MAGI2: variants seen among roughly 807,000 people sequenced by gnomAD.
MAGI2 encodes membrane associated guanylate kinase, WW and PDZ domain containing 2.
A neutral mutation model predicts 133.3 loss-of-function variants in MAGI2; 35 were observed. That is an observed-to-expected ratio of 0.26 (90% confidence interval 0.20 to 0.35). The LOEUF is 0.35. Among genes scored for constraint, MAGI2 ranks in the 10% least tolerant of loss-of-function variants. The pLI, the probability that MAGI2 is intolerant of heterozygous loss-of-function variation, is 1.00. For missense variants in MAGI2, 1,636 were observed against 1,863.4 expected (o/e 0.88, Z 2.25); for synonymous variants, 729 against 710.6 (o/e 1.03, Z -0.41).
At chr7:79,167,182 G>A (rs1339279507) in intron 1 of MAGI2, among the ~76,000 whole-genome samples, 1 of 151,778 alleles carries the variant, frequency 6.6e-6, no homozygotes, top group African/African-American at 2.4e-5. Flanking sequence ...GTTGAGGAAG[G>A]GTTCAAACTA....
intron 9 of MAGI2, among the ~76,000 whole-genome samples, chr7:78,288,672 C>T (rs761002399): frequency 6.6e-6 from 1 of 152,220 alleles, no homozygotes; most frequent in Non-Finnish European, 1.5e-5. Context: ...CCCTGACTCC[C>T]AAGTAGCCTA....
intron 21 of MAGI2, among the ~76,000 whole-genome samples, chr7:78,058,843 G>A (rs1223212838): frequency 6.6e-6 from 1 of 152,210 alleles, no homozygotes; most frequent in South Asian, 2.1e-4. Context: ...AGGTTGCACA[G>A]CTAGTTAACG....
chr7:78,539,088 A>G (rs570127187), intron 3 of MAGI2, among the ~76,000 whole-genome samples: 53 of 152,336 alleles, frequency 3.5e-4, no homozygotes, highest in African/African-American at 1.2e-3. Flanking sequence ...CATCCTTGTC[A>G]TGTTCCAGTT....
Position 78,873,436 on chromosome 7 carries a change from C to T in MAGI2, c.418+133654G>A, listed in dbSNP as rs190271649. Among the ~76,000 whole-genome samples, 6 of 152,072 alleles carry T rather than the reference C, an allele frequency of 3.9e-5. No individual in the cohort carries two copies. In the East Asian group the frequency reaches 7.8e-4, roughly 20 times the overall value. Reference sequence around the variant, plus strand: ...CATCAGCATTAGATTCTCATAGTAGCGTGAACCCTGTTGTGAACCCCACAT... The same window carrying T: ...CATCAGCATTAGATTCTCATAGTAGTGTGAACCCTGTTGTGAACCCCACAT... On this transcript the variant is annotated intron_variant, in intron 2 of 21. Transcript: ENST00000354212.
At chr7:78,597,100 A>G (rs373839648) in intron 3 of MAGI2, among the ~76,000 whole-genome samples, 1 of 152,196 alleles carries the variant, frequency 6.6e-6, no homozygotes, top group African/African-American at 2.4e-5. Context: ...AAATTCTTTA[A>G]GTAGGAATTG....
At chr7:79,321,779 A>C (rs1251075516) in intron 1 of MAGI2, among the ~76,000 whole-genome samples, 2 of 152,218 alleles carry the variant, frequency 1.3e-5, no homozygotes, top group Non-Finnish European at 2.9e-5. Flanking sequence ...TAGAGAGCTA[A>C]CATTTCCTGA....
intron 3 of MAGI2, among the ~76,000 whole-genome samples, chr7:78,542,656 G>C (rs1487775599): frequency 2.0e-5 from 3 of 152,132 alleles, no homozygotes; most frequent in East Asian, 3.9e-4. Flanking sequence ...TGAAGTCCCT[G>C]GGAAAGAAGG....
chr7:78,294,978 CATAT>C (rs1797087014), intron 9 of MAGI2, among the ~76,000 whole-genome samples: 1 of 102,820 alleles, frequency 9.7e-6, no homozygotes, highest in Non-Finnish European at 2.7e-5. Flanking sequence ...CAGAACAGAA[CATAT>C]TATTTTTAAA....
chr7:79,159,601 C>G (rs1824165724), intron 1 of MAGI2, among the ~76,000 whole-genome samples: 1 of 150,834 alleles, frequency 6.6e-6, no homozygotes, highest in Non-Finnish European at 1.5e-5. Context: ...CACACTAATA[C>G]AAAACTAACT....
chr7:78,911,426 G>A (rs1798388768), intron 2 of MAGI2, among the ~76,000 whole-genome samples: 1 of 152,082 alleles, frequency 6.6e-6, no homozygotes, highest in South Asian at 2.1e-4. Context: ...TGGGAGTAGT[G>A]CCTTTACAAA....
intron 6 of MAGI2, among the ~76,000 whole-genome samples, chr7:78,489,491 A>C (rs1479103759): frequency 6.6e-6 from 1 of 152,054 alleles, no homozygotes; most frequent in Non-Finnish European, 1.5e-5. Flanking sequence ...AGTCCTTAGT[A>C]GGTGGTGGAA....
At chr7:79,318,679 C>T (rs1461187333) in intron 1 of MAGI2, among the ~76,000 whole-genome samples, 3 of 152,140 alleles carry the variant, frequency 2.0e-5, no homozygotes, top group Admixed American at 1.3e-4. Flanking sequence ...TCTTGTACTA[C>T]GTATTAGTTT....
intron 20 of MAGI2, among the ~76,000 whole-genome samples, chr7:78,104,502 A>G (rs927397242): frequency 1.8e-4 from 27 of 151,812 alleles, no homozygotes; most frequent in South Asian, 4.2e-4. Flanking sequence ...GATTACAGGC[A>G]TGAGCCACCG....
At position 78,255,950 on chromosome 7, in the gene MAGI2, A is replaced by C; in HGVS notation, c.2040T>G (p.His680Gln). ...PIGSETSLIIHRGGFFSPWKT... is the reference protein window; with the variant it reads ...PIGSETSLIIQRGGFFSPWKT... ...AGCCAGTGTTTGTCTTACCTCCTCGATGGATAATCAAAGAAGTTTCACTTC... is the reference window on the plus strand; with the variant it reads ...AGCCAGTGTTTGTCTTACCTCCTCGCTGGATAATCAAAGAAGTTTCACTTC... Residue 680 changes from histidine to glutamine, a missense_variant, in exon 10 of 22, where the codon CAT becomes CAG. His to Gln is a conservative substitution (Grantham distance 24). Transcript: ENST00000354212. The C allele has an allele frequency of 6.2e-7, 1 of 1,613,718 alleles. No individual in the cohort carries two copies. The highest frequency in any genetic ancestry group is 8.5e-7 in the Non-Finnish European group (1 of 1,179,900).
intron 2 of MAGI2, among the ~76,000 whole-genome samples, chr7:78,889,982 C>T (rs1796605224): frequency 6.6e-6 from 1 of 152,122 alleles, no homozygotes; most frequent in Non-Finnish European, 1.5e-5. Flanking sequence ...TTCAGGAGAC[C>T]CATCTCACGT....
chr7:78,929,222 G>A (rs1344656363), intron 2 of MAGI2, among the ~76,000 whole-genome samples: 1 of 151,990 alleles, frequency 6.6e-6, no homozygotes, highest in African/African-American at 2.4e-5. Flanking sequence ...AATAAGAAAG[G>A]TGAACATTTT....
intron 6 of MAGI2, among the ~76,000 whole-genome samples, chr7:78,454,566 G>C (rs1789099819): frequency 6.6e-6 from 1 of 152,146 alleles, no homozygotes; most frequent in Non-Finnish European, 1.5e-5. Flanking sequence ...CGCATTCCTG[G>C]TTATTTATCC....
At chr7:78,193,023 T>G (rs1828386987) in intron 12 of MAGI2, among the ~76,000 whole-genome samples, 1 of 152,054 alleles carries the variant, frequency 6.6e-6, no homozygotes, top group African/African-American at 2.4e-5. Flanking sequence ...GCTTGGTTTG[T>G]TACAGGTGAG....
intron 2 of MAGI2, among the ~76,000 whole-genome samples, chr7:78,842,289 G>T (rs1480306493): frequency 6.6e-6 from 1 of 151,980 alleles, no homozygotes; most frequent in East Asian, 1.9e-4. Flanking sequence ...ATAGCCTGGG[G>T]CAAGGCTGAA....
Sources: gnomAD v4.1 joint callset for allele counts (sites outside exome capture counted in the v4.1 genomes callset) on GRCh38, gnomAD v4.1.1 for gene constraint, MANE v1.5 for transcripts, NCBI Gene and HGNC (gene_info 2026-07-23, HGNC 2026-07-21) for gene names.